Variants in KIF20B observed in about 807,000 individuals in gnomAD.
The protein encoded by KIF20B is kinesin family member 20B.
KIF20B carries 188 observed loss-of-function variants against 232.5 expected under a neutral mutation model. The observed-to-expected ratio is 0.81, with a 90% CI of 0.72 to 0.91. The LOEUF is 0.91. Ranked by LOEUF, KIF20B falls within the 40% of genes least tolerant of loss-of-function variation. The pLI is 0.00. For missense variants in KIF20B, 2,154 were observed against 2,055.9 expected, an observed-to-expected ratio of 1.05 and a Z score of -0.92; for synonymous variants, 712 against 683.0, an observed-to-expected ratio of 1.04 and a Z score of -0.66.
Position 89,711,018 on chromosome 10 carries a change from T to C in KIF20B, c.548T>C (p.Leu183Pro), listed in dbSNP as rs1195856719. The C allele has an allele frequency of 6.2e-7, 1 of 1,609,906 alleles. No individual in the cohort carries two copies. Among genetic ancestry groups the C allele is most frequent in the Non-Finnish European group, 8.5e-7 (1 of 1,178,462 alleles). The change falls in exon 6 of 33, where the codon CTT becomes CCT. Residue 183 changes from leucine (L) to proline (P), a missense_variant. Transcript: ENST00000371728. ...PRTLNVLFDS[L>P]QERLYTKMNL... ...ACTTTGAATGTATTATTTGATAGTCTTCAAGAAAGACTGTATACAAAGATG... is the reference window on the plus strand; with the variant it reads ...ACTTTGAATGTATTATTTGATAGTCCTCAAGAAAGACTGTATACAAAGATG...
intron 18 of KIF20B, among the ~76,000 whole-genome samples, chr10:89,732,346 C>T (rs1191970303): frequency 6.6e-6 from 1 of 152,044 alleles, no homozygotes; most frequent in Non-Finnish European, 1.5e-5. Context: ...TGGTCTCAAA[C>T]TCCTGGGCTT....
At chr10:89,768,637 A>C in intron 30 of KIF20B, 101 bp from the exon 31 acceptor site, 1 of 1,147,792 alleles carries the variant, frequency 8.7e-7, no homozygotes. Flanking sequence ...CCTACCTGAG[A>C]ATTCATAACC....
chr10:89,752,539 AAAACATAATTTTATGTCTTC>A lies in KIF20B; in HGVS notation c.4223-24_4223-5del, dbSNP rs1564672109. 6.4e-7 allele frequency: 1 copy of A among 1,551,250 alleles called. No individual in the cohort carries two copies. Among genetic ancestry groups the A allele is most frequent in the Non-Finnish European group, 8.7e-7 (1 of 1,144,030 alleles). On this transcript the variant is annotated splice_polypyrimidine_tract_variant and splice_region_variant and intron_variant, in intron 24 of 32. Coordinates refer to ENST00000371728, the MANE Select transcript of KIF20B (RefSeq NM_001284259.2). ...ATGGTATAACTTTTGCATATGCTTT[AAAACATAATTTTATGTCTTC>A]AAATCAGAATTGGAAAAATGGAAGG...
chr10:89,768,654 TG>T, intron 30 of KIF20B, 83 bp from the exon 31 acceptor site: 1 of 1,282,896 alleles, frequency 7.8e-7, no homozygotes, highest in Non-Finnish European at 1.1e-6. Flanking sequence ...AACCTGTCTC[TG>T]GCCTCTTTAA....
chr10:89,757,040 GTATATATATA>G (rs34325599), intron 26 of KIF20B, among the ~76,000 whole-genome samples: 19 of 110,748 alleles, frequency 1.7e-4, no homozygotes, highest in Non-Finnish European at 2.6e-4. Context: ...GTGTGTGTGT[GTATATATATA>G]TATATATATA....
At chr10:89,742,066 T>A (rs941250568) in intron 21 of KIF20B, among the ~76,000 whole-genome samples, 5 of 152,050 alleles carry the variant, frequency 3.3e-5, no homozygotes, top group African/African-American at 9.7e-5. Context: ...AGAAAAAAAA[T>A]TGTAATCTGA....
intron 1 of KIF20B, among the ~76,000 whole-genome samples, chr10:89,704,940 G>A (rs900530080): frequency 3.3e-5 from 5 of 152,194 alleles, no homozygotes; most frequent in Non-Finnish European, 4.4e-5. Context: ...GATGACACAA[G>A]GTTATAATTT....
At chr10:89,754,952 G>T (rs1241248336) in intron 26 of KIF20B, among the ~76,000 whole-genome samples, 1 of 152,178 alleles carries the variant, frequency 6.6e-6, no homozygotes, top group Non-Finnish European at 1.5e-5. Flanking sequence ...CCGTTACAGA[G>T]TATTCCCTAT....
At chr10:89,772,579 T>G (rs1842485995) in intron 31 of KIF20B, 110 bp from the exon 32 acceptor site, 1 of 637,976 alleles carries the variant, frequency 1.6e-6, no homozygotes, top group Non-Finnish European at 2.6e-6. Flanking sequence ...TTTTAGTTTG[T>G]GTATGTTCAT....
In KIF20B at chr10:89,737,489, A is replaced by G. The variant is rs1841683579; in HGVS notation, c.2648A>G (p.Asn883Ser). 6.2e-7 allele frequency: 1 copy of G among 1,609,646 alleles called. No homozygotes were observed. The highest frequency in any genetic ancestry group is 8.5e-7 in the Non-Finnish European group (1 of 1,178,626). ...GAAGACATCAGAGTTTTACAAGAAAATAATGAAGGACTGAGAGCATTTTTA... is the reference window on the plus strand; with the variant it reads ...GAAGACATCAGAGTTTTACAAGAAAGTAATGAAGGACTGAGAGCATTTTTA... ...EIEDIRVLQE[N>S]NEGLRAFLLT... The change falls in exon 20 of 33, where the codon AAT becomes AGT. Residue 883 changes from asparagine (N) to serine (S), a missense_variant. Coordinates refer to ENST00000371728, the MANE Select transcript of KIF20B (RefSeq NM_001284259.2).
At chr10:89,763,278 C>T (rs1376663624) in intron 29 of KIF20B, among the ~76,000 whole-genome samples, 5 of 152,050 alleles carry the variant, frequency 3.3e-5, no homozygotes, top group Non-Finnish European at 7.4e-5. Flanking sequence ...GAGACTGTCT[C>T]AGAAAAATAA....
chr10:89,721,899 A>G (rs1489378375), intron 13 of KIF20B, among the ~76,000 whole-genome samples: 2 of 152,198 alleles, frequency 1.3e-5, no homozygotes, highest in African/African-American at 4.8e-5. Context: ...CAATATGATT[A>G]GGTGTTGGCA....
chr10:89,707,317 C>T (rs115108439), intron 2 of KIF20B, among the ~76,000 whole-genome samples: 83 of 152,214 alleles, frequency 5.5e-4, no homozygotes, highest in African/African-American at 1.9e-3. Flanking sequence ...CTTGAGGCTC[C>T]TTGTAAGTGC....
chr10:89,736,427 T>A (rs1589866080), intron 19 of KIF20B, among the ~76,000 whole-genome samples: 1 of 144,694 alleles, frequency 6.9e-6, no homozygotes, highest in African/African-American at 2.4e-5. Flanking sequence ...TTTGTCAGAG[T>A]GAACTTATGA....
intron 2 of KIF20B, among the ~76,000 whole-genome samples, chr10:89,708,205 A>G (rs959165618): frequency 5.5e-5 from 8 of 144,474 alleles, no homozygotes; most frequent in Non-Finnish European, 9.0e-5. Context: ...GAGTTTATGT[A>G]CAATTTGTAT....
rs376337486 is a variant in KIF20B at position 89,738,932 on chromosome 10, A to G, written c.3777-26A>G. On this transcript the variant is annotated intron_variant, in intron 20 of 32. Coordinates refer to ENST00000371728, the MANE Select transcript of KIF20B (RefSeq NM_001284259.2). ...CCTAAGCAGTTAATGATGCATTACC[A>G]TAGAAAAGTGGTTTATGTTTTTTAG... The G allele has an allele frequency of 1.2e-5, 19 of 1,602,736 alleles. No homozygotes were observed. The African/African-American group carries it at 1.6e-4, about 14-fold the overall frequency.
intron 1 of KIF20B, among the ~76,000 whole-genome samples, chr10:89,703,959 G>A (rs1842668676): frequency 6.6e-6 from 1 of 152,062 alleles, no homozygotes; most frequent in Non-Finnish European, 1.5e-5. Context: ...CACCATGTTG[G>A]CCAGGAGGGT....
At chr10:89,744,363 C>T (rs1458275356) in intron 22 of KIF20B, among the ~76,000 whole-genome samples, 1 of 152,146 alleles carries the variant, frequency 6.6e-6, no homozygotes, top group Non-Finnish European at 1.5e-5. Context: ...GTTATACTTA[C>T]TGCTTCACCA....
intron 23 of KIF20B, among the ~76,000 whole-genome samples, chr10:89,749,892 G>A (rs190708112): frequency 1.8e-4 from 28 of 152,236 alleles, no homozygotes; most frequent in Non-Finnish European, 3.2e-4. Flanking sequence ...GTAAGCAAGT[G>A]TTGAATATGC....
Sources: allele counts gnomAD v4.1 joint callset (sites outside exome capture counted in the v4.1 genomes callset), GRCh38; gene constraint gnomAD v4.1.1; transcripts MANE v1.5; gene names NCBI Gene and HGNC (gene_info 2026-07-23, HGNC 2026-07-21).